The following RASSF6 variants were observed in gnomAD, a reference collection of about 807,000 sequenced individuals.
The protein encoded by RASSF6 is ras association domain-containing protein 6.
A neutral mutation model predicts 44.0 loss-of-function variants in RASSF6; 52 were observed. The observed-to-expected ratio is 1.18, with a 90% CI of 0.95 to 1.49. The LOEUF (loss-of-function observed/expected upper bound fraction) is 1.49. RASSF6 is among the 40% of genes most tolerant of loss of function. The pLI, the probability that RASSF6 is intolerant of heterozygous loss-of-function variation, is 0.00. For missense variants in RASSF6, 464 were observed against 393.3 expected (o/e 1.18, Z -1.52); for synonymous variants, 162 against 124.6 (o/e 1.30, Z -2.00).
intron 6 of RASSF6, among the ~76,000 whole-genome samples, chr4:73,584,518 AAC>A (rs1348144594): frequency 6.6e-6 from 1 of 152,188 alleles, no homozygotes; most frequent in East Asian, 1.9e-4. Flanking sequence ...ATTGTATCTA[AAC>A]TACAACTACA....
chr4:73,581,817 C>G lies in RASSF6; in HGVS notation c.721G>C (p.Glu241Gln). The G allele has an allele frequency of 6.2e-7, 1 of 1,606,106 alleles. No homozygotes were observed. Among genetic ancestry groups the G allele is most frequent in the Non-Finnish European group, 8.5e-7 (1 of 1,173,354 alleles). Reference sequence around the variant, plus strand: ...AAAAAGTGTGATCAAGCTTTCTTACCTCCTGTTGCAAAAATAATGTGAAGA... The same window carrying G: ...AAAAAGTGTGATCAAGCTTTCTTACGTCCTGTTGCAAAAATAATGTGAAGA... ...FALHIIFATG[E>Q]QRRLKKTDIP... The change falls in exon 8 of 11, where the codon GAA becomes CAA. Residue 241 changes from glutamate (E) to glutamine (Q), a missense_variant and splice_region_variant. Coordinates refer to ENST00000307439, the MANE Select transcript of RASSF6 (RefSeq NM_177532.5).
At chr4:73,598,794 A>C in intron 2 of RASSF6, 76 bp from the exon 3 acceptor site, 1 of 626,018 alleles carries the variant, frequency 1.6e-6, no homozygotes, top group South Asian at 2.2e-5. Context: ...ACTTTCATAA[A>C]GGTATGAGAT....
chr4:73,604,900 G>GT (rs1260849661), intron 2 of RASSF6, among the ~76,000 whole-genome samples: 2 of 84,810 alleles, frequency 2.4e-5, no homozygotes, highest in Non-Finnish European at 5.0e-5. Context: ...TTTTTTTTTT[G>GT]TTTTTTGAGA....
intron 3 of RASSF6, among the ~76,000 whole-genome samples, chr4:73,597,881 T>C (rs1035400071): frequency 2.6e-5 from 4 of 152,194 alleles, no homozygotes; most frequent in African/African-American, 4.8e-5. Context: ...AACCTAATAC[T>C]GTTTGCTTTC....
intron 2 of RASSF6, among the ~76,000 whole-genome samples, chr4:73,602,798 A>C (rs1725361384): frequency 6.6e-6 from 1 of 152,194 alleles, no homozygotes; most frequent in African/African-American, 2.4e-5. Flanking sequence ...AGAAATAGAC[A>C]CAAGTTTCGG....
intron 8 of RASSF6, among the ~76,000 whole-genome samples, chr4:73,580,196 A>G (rs1332187476): frequency 6.6e-6 from 1 of 152,016 alleles, no homozygotes; most frequent in Non-Finnish European, 1.5e-5. Context: ...TACAAAGGAC[A>G]TGAACTCATC....
At chr4:73,612,705 C>T (rs1726110736) in intron 1 of RASSF6, among the ~76,000 whole-genome samples, 1 of 152,076 alleles carries the variant, frequency 6.6e-6, no homozygotes, top group Non-Finnish European at 1.5e-5. Flanking sequence ...GTTAAACTCA[C>T]TAGGTACTTT....
At chr4:73,597,086 CA>C (rs1459180126) in intron 3 of RASSF6, among the ~76,000 whole-genome samples, 3 of 152,106 alleles carry the variant, frequency 2.0e-5, no homozygotes, top group Non-Finnish European at 4.4e-5. Context: ...ATGAAGATGC[CA>C]AAAGCAATTG....
chr4:73,578,860 C>T (rs899508238), intron 8 of RASSF6, among the ~76,000 whole-genome samples: 40 of 152,168 alleles, frequency 2.6e-4, no homozygotes, highest in African/African-American at 9.4e-4. Context: ...GATCCGCCCA[C>T]CTCGGCCTGC....
At position 73,620,280 on chromosome 4, in the gene RASSF6, T is replaced by G; in HGVS notation, c.-35+8A>C. 1.4e-6 allele frequency: 2 copies of G among 1,405,500 alleles called. No homozygotes were observed. The highest frequency in any genetic ancestry group is 1.8e-6 in the Non-Finnish European group (2 of 1,082,584). 87.1% of individuals were successfully genotyped at this position (1,405,500 alleles called of 1,614,324 possible). ...TAGAAAGTTTTTTTCCCCATCCCCA[T>G]TTTTTACCTGTTATTCACACTGTGA... On this transcript the variant is annotated splice_region_variant and intron_variant, in intron 1 of 10. Transcript: ENST00000307439.
At chr4:73,585,766 T>A (rs1724040417) in intron 5 of RASSF6, among the ~76,000 whole-genome samples, 1 of 152,040 alleles carries the variant, frequency 6.6e-6, no homozygotes. Flanking sequence ...TTGAAGTGGC[T>A]TTCCTATGGA....
At chr4:73,601,360 A>G (rs1725266320) in intron 2 of RASSF6, among the ~76,000 whole-genome samples, 1 of 152,230 alleles carries the variant, frequency 6.6e-6, no homozygotes, top group Admixed American at 6.5e-5. Flanking sequence ...GAGTAGTTGT[A>G]ACAGAAATCA....
intron 2 of RASSF6, among the ~76,000 whole-genome samples, chr4:73,605,757 T>G (rs1157565194): frequency 3.3e-5 from 5 of 152,208 alleles, no homozygotes; most frequent in Admixed American, 3.3e-4. Context: ...GATTTTTCCC[T>G]TTTTTCTGCA....
At chr4:73,588,118 T>C (rs1724246054) in intron 4 of RASSF6, among the ~76,000 whole-genome samples, 184 bp from the exon 5 acceptor site, 1 of 152,042 alleles carries the variant, frequency 6.6e-6, no homozygotes, top group Admixed American at 6.6e-5. Flanking sequence ...TCAATATATG[T>C]TTTAAATGCT....
rs151296413 is a variant in RASSF6 at position 73,578,854 on chromosome 4, C to T, written c.722-2123G>A. 9.9e-5 allele frequency among the ~76,000 whole-genome samples: 15 copies of T among 152,074 alleles called. No individual in the cohort carries two copies. In the South Asian group the frequency reaches 2.1e-3, roughly 21 times the overall value. ...CTCAAACTCATGACCTCAAATGATC[C>T]GCCCACCTCGGCCTGCCAAAGTGCT... On this transcript the variant is annotated intron_variant, in intron 8 of 10. Transcript: ENST00000307439.
At chr4:73,589,875 A>G (rs942133816) in intron 4 of RASSF6, among the ~76,000 whole-genome samples, 1 of 152,190 alleles carries the variant, frequency 6.6e-6, no homozygotes, top group Non-Finnish European at 1.5e-5. Flanking sequence ...GAAATTTGAT[A>G]GACAAATAGA....
intron 1 of RASSF6, among the ~76,000 whole-genome samples, chr4:73,617,408 C>CA (rs1317944922): frequency 6.6e-6 from 1 of 152,182 alleles, no homozygotes; most frequent in East Asian, 1.9e-4. Flanking sequence ...ATCTTGCCAC[C>CA]ACTGGGTCTG....
intron 1 of RASSF6, among the ~76,000 whole-genome samples, chr4:73,616,855 T>C (rs1726395168): frequency 6.6e-6 from 1 of 152,186 alleles, no homozygotes; most frequent in African/African-American, 2.4e-5. Flanking sequence ...AACGAAACTG[T>C]TTTCTCAAAG....
chr4:73,616,259 A>G (rs573936111), intron 1 of RASSF6, among the ~76,000 whole-genome samples: 71 of 152,112 alleles, frequency 4.7e-4, no homozygotes, highest in African/African-American at 1.6e-3. Flanking sequence ...CTATCTATCT[A>G]TCTATCTATA....
Sources: gnomAD v4.1 joint callset for allele counts (sites outside exome capture counted in the v4.1 genomes callset) on GRCh38, gnomAD v4.1.1 for gene constraint, MANE v1.5 for transcripts, NCBI Gene and HGNC (gene_info 2026-07-23, HGNC 2026-07-21) for gene names.